The following IL15 variants were observed in gnomAD, a reference collection of about 807,000 sequenced individuals.
IL15 encodes interleukin 15.
In IL15, 11 loss-of-function variants were observed where a neutral mutation model predicts 19.6. The ratio of observed to expected loss-of-function variants is 0.56; its 90% CI spans 0.35 to 0.93. The LOEUF is 0.93. Among genes scored for constraint, IL15 ranks in the 40% least tolerant of loss-of-function variants. IL15 has a pLI of 0.01. For synonymous variants in IL15, 58 were observed against 59.6 expected (o/e 0.97, Z 0.12); for missense variants, 197 against 186.5 (o/e 1.06, Z -0.33).
At chr4:141,728,592 T>C (rs549153358) in intron 6 of IL15, among the ~76,000 whole-genome samples, 2 of 152,272 alleles carry the variant, frequency 1.3e-5, no homozygotes, top group East Asian at 1.9e-4. Context: ...TTCAGTATTG[T>C]TACTAAAACC....
At chr4:141,710,377 G>C (rs1729676612) in intron 2 of IL15, among the ~76,000 whole-genome samples, 1 of 152,106 alleles carries the variant, frequency 6.6e-6, no homozygotes, top group South Asian at 2.1e-4. Context: ...CTTCTCACTT[G>C]AGTTCTACTT....
intron 2 of IL15, among the ~76,000 whole-genome samples, chr4:141,660,950 C>G (rs1172515338): frequency 6.6e-6 from 1 of 152,096 alleles, no homozygotes; most frequent in Admixed American, 6.5e-5. Flanking sequence ...CTATGTGAGT[C>G]TTGGTGATAC....
chr4:141,730,145 CAATGCTAAA>C (rs1730405774), intron 7 of IL15, among the ~76,000 whole-genome samples, 161 bp downstream of exon 7: 1 of 152,108 alleles, frequency 6.6e-6, no homozygotes, highest in African/African-American at 2.4e-5. Flanking sequence ...AGCATGCACA[CAATGCTAAA>C]CTGTTCAATG....
chr4:141,727,384 G>A (rs753905799), intron 5 of IL15, among the ~76,000 whole-genome samples: 1 of 152,118 alleles, frequency 6.6e-6, no homozygotes, highest in Admixed American at 6.6e-5. Flanking sequence ...ATTTCAGAAG[G>A]TTACATATGA....
rs973284168 is a variant in IL15 at position 141,709,929 on chromosome 4, C to G, written c.-99-9437C>G. On this transcript the variant is annotated intron_variant, in intron 2 of 7. Coordinates refer to ENST00000320650, the MANE Select transcript of IL15 (RefSeq NM_000585.5). ...TCAACCCTTGTTCTCCTCCCACCCT[C>G]CCCCCACACTAACTCAGTGTCCAGT... Among the ~76,000 whole-genome samples, 4 of 151,836 alleles carry G rather than the reference C, an allele frequency of 2.6e-5. No homozygotes were observed. The South Asian group carries it at 8.3e-4, about 32-fold the overall frequency.
At chr4:141,702,907 C>T (rs1156449640) in intron 2 of IL15, among the ~76,000 whole-genome samples, 1 of 152,164 alleles carries the variant, frequency 6.6e-6, no homozygotes, top group Non-Finnish European at 1.5e-5. Flanking sequence ...TGAGCTCAGA[C>T]TCCCCTTGGG....
In IL15 at chr4:141,673,880, CT is replaced by C. The variant is rs548456590; in HGVS notation, c.-100+17577del. On this transcript the variant is annotated intron_variant, in intron 2 of 7. Coordinates refer to ENST00000320650, the MANE Select transcript of IL15 (RefSeq NM_000585.5). Reference sequence around the variant, plus strand: ...ATTCCAGCATAATTAATGATCTGCTCTTTTCATTCAACCCATATTTGTACTT... The same window carrying C: ...ATTCCAGCATAATTAATGATCTGCTCTTTCATTCAACCCATATTTGTACTT... Among the ~76,000 whole-genome samples, 480 of 152,262 alleles carry C rather than the reference CT, an allele frequency of 3.2e-3. 1 individual carries two copies. Among genetic ancestry groups the C allele is most frequent in the Non-Finnish European group, 4.8e-3 (328 of 68,016 alleles).
intron 2 of IL15, among the ~76,000 whole-genome samples, chr4:141,682,244 C>T (rs1014402132): frequency 1.3e-5 from 2 of 152,092 alleles, no homozygotes; most frequent in African/African-American, 4.8e-5. Flanking sequence ...AAATATTCAG[C>T]TTTGTTCTCT....
At chr4:141,721,481 T>A (rs902071903) in intron 4 of IL15, 27 of 567,092 alleles carry the variant, frequency 4.8e-5, no homozygotes, top group Non-Finnish European at 8.0e-5. Context: ...GTAAAAAAAA[T>A]TTACTATCAA....
intron 2 of IL15, among the ~76,000 whole-genome samples, chr4:141,666,765 T>C (rs999329568): frequency 1.3e-5 from 2 of 152,042 alleles, no homozygotes; most frequent in African/African-American, 4.8e-5. Context: ...CGTGAAGAAA[T>C]TGTCTGATTG....
chr4:141,682,299 A>G (rs2152172994), intron 2 of IL15, among the ~76,000 whole-genome samples: 1 of 152,352 alleles, frequency 6.6e-6, no homozygotes, highest in East Asian at 1.9e-4. Flanking sequence ...GTAATTGTTG[A>G]AAGAAAATTT....
intron 2 of IL15, among the ~76,000 whole-genome samples, chr4:141,708,108 G>A (rs1198794717): frequency 1.3e-5 from 2 of 152,202 alleles, no homozygotes; most frequent in Admixed American, 1.3e-4. Context: ...CTGGGTGCAG[G>A]CACATACATG....
At chr4:141,643,072 T>C (rs1727106604) in intron 1 of IL15, among the ~76,000 whole-genome samples, 1 of 152,202 alleles carries the variant, frequency 6.6e-6, no homozygotes, top group African/African-American at 2.4e-5. Flanking sequence ...TAGTTTGAGG[T>C]AGAATTTATT....
intron 2 of IL15, among the ~76,000 whole-genome samples, chr4:141,698,372 C>A (rs1367243645): frequency 6.6e-6 from 1 of 151,728 alleles, no homozygotes; most frequent in African/African-American, 2.4e-5. Flanking sequence ...AGGGAGGATT[C>A]TCTCTTTATC....
intron 2 of IL15, among the ~76,000 whole-genome samples, chr4:141,698,228 A>G (rs773697228): frequency 1.3e-5 from 2 of 152,076 alleles, no homozygotes; most frequent in Non-Finnish European, 2.9e-5. Flanking sequence ...ATGCTGTTCA[A>G]TTTGGTTAGC....
intron 2 of IL15, among the ~76,000 whole-genome samples, chr4:141,663,813 C>T (rs546913693): frequency 6.6e-6 from 1 of 152,258 alleles, no homozygotes; most frequent in Admixed American, 6.5e-5. Context: ...AGGAAGAGGG[C>T]TTCTAGTTTC....
chr4:141,704,358 T>C lies in IL15; in HGVS notation c.-99-15008T>C, dbSNP rs1248501110. On this transcript the variant is annotated intron_variant, in intron 2 of 7. Coordinates refer to ENST00000320650, the MANE Select transcript of IL15 (RefSeq NM_000585.5). The stretch of plus-strand genomic sequence containing the variant: ...ACCATATTTATTGATTAGCTTGTTA[T>C]ACCATGCTTACCATGCTTGCATCTC... 2.0e-5 allele frequency among the ~76,000 whole-genome samples: 3 copies of C among 152,142 alleles called. No homozygotes were observed. The East Asian group carries it at 5.8e-4, about 29-fold the overall frequency.
Position 141,733,393 on chromosome 4 carries a change from A to G in IL15, c.*545A>G, listed in dbSNP as rs552692329. Reference sequence around the variant, plus strand: ...GAACTATATGTGAATCCTCTTCTTTATACTGTAATTTAGTTATTGATGTAT... The same window carrying G: ...GAACTATATGTGAATCCTCTTCTTTGTACTGTAATTTAGTTATTGATGTAT... On this transcript the variant is annotated 3_prime_UTR_variant, in exon 8 of 8. Coordinates refer to ENST00000320650, the MANE Select transcript of IL15 (RefSeq NM_000585.5). 1 of 152,450 alleles carries G rather than the reference A, an allele frequency of 6.6e-6. No homozygotes were observed. Among genetic ancestry groups the G allele is most frequent in the East Asian group, 1.9e-4 (1 of 5,194 alleles). The allele number at this position is 152,450 out of a possible 1,614,324, so 9.4% of individuals were successfully genotyped here. A position where few individuals can be genotyped will look rare whatever the true frequency, so the allele number is the denominator to read the frequency against.
intron 1 of IL15, among the ~76,000 whole-genome samples, chr4:141,645,612 AC>A (rs1422803167): frequency 1.3e-5 from 2 of 152,142 alleles, no homozygotes; most frequent in African/African-American, 4.8e-5. Context: ...AATGTCAATT[AC>A]TAATTTCCAT....
Sources: gnomAD v4.1 joint callset for allele counts (sites outside exome capture counted in the v4.1 genomes callset) on GRCh38, gnomAD v4.1.1 for gene constraint, MANE v1.5 for transcripts, NCBI Gene and HGNC (gene_info 2026-07-23, HGNC 2026-07-21) for gene names.